The following LCORL variants were observed in gnomAD, a reference collection of about 807,000 sequenced individuals.
LCORL encodes the protein ligand-dependent nuclear receptor corepressor-like protein.
A neutral mutation model predicts 141.8 loss-of-function variants in LCORL; 41 were observed. The observed-to-expected ratio is 0.29, with a 90% CI of 0.23 to 0.38. The LOEUF (loss-of-function observed/expected upper bound fraction) is 0.38. Ranked by LOEUF, LCORL falls within the 10% of genes least tolerant of loss-of-function variation. The probability of loss-of-function intolerance (pLI) is 1.00; values close to 1 mark genes in which losing one functional copy is unlikely to be tolerated. For synonymous variants in LCORL, 618 were observed against 694.1 expected, an observed-to-expected ratio of 0.89 and a Z score of 1.72; for missense variants, 1,759 against 2,035.0, an observed-to-expected ratio of 0.86 and a Z score of 2.61.
At chr4:17,975,299 T>C (rs1487953312) in intron 1 of LCORL, among the ~76,000 whole-genome samples, 1 of 152,188 alleles carries the variant, frequency 6.6e-6, no homozygotes, top group East Asian at 1.9e-4. Flanking sequence ...TTGTTTATAA[T>C]TTCCCTTATG....
intron 6 of LCORL, among the ~76,000 whole-genome samples, chr4:17,879,407 C>G (rs181575144): frequency 1.6e-4 from 24 of 150,956 alleles, no homozygotes; most frequent in South Asian, 8.3e-4. Context: ...TAGATTCATC[C>G]AATGTTCCAC....
At chr4:17,895,373 A>G (rs571473445) in intron 5 of LCORL, among the ~76,000 whole-genome samples, 1 of 152,000 alleles carries the variant, frequency 6.6e-6, no homozygotes, top group African/African-American at 2.4e-5. Context: ...GATCGACTTT[A>G]TTTAGATTCC....
At chr4:17,963,046 C>G in exon 3 of LCORL, 2 of 1,580,446 alleles carry the variant, frequency 1.3e-6, no homozygotes, top group Non-Finnish European at 1.7e-6. Flanking sequence ...TTCTGGTTCA[C>G]AGTCTTTAAA....
Position 17,989,858 on chromosome 4 carries a change from G to A in LCORL, c.155-16973C>T, listed in dbSNP as rs536011696. 8.5e-5 allele frequency among the ~76,000 whole-genome samples: 13 copies of A among 152,258 alleles called. No individual in the cohort carries two copies. The East Asian group carries it at 2.5e-3, about 29-fold the overall frequency. ...TGACCAAGCTGAGTTCTCATCTGGA[G>A]GTACCAGGGAAAATCTGCTTCCAAC... is the stretch of plus-strand genomic sequence containing the variant. On this transcript the variant is annotated intron_variant, in intron 1 of 7. Transcript: ENST00000635767.
intron 1 of LCORL, among the ~76,000 whole-genome samples, chr4:18,007,549 G>C (rs1230909429): frequency 1.3e-5 from 2 of 152,026 alleles, no homozygotes; most frequent in African/African-American, 4.8e-5. Context: ...TTTTCCCCAG[G>C]AGATTGTGCT....
chr4:17,931,353 C>T (rs1298071736), intron 4 of LCORL, among the ~76,000 whole-genome samples: 1 of 151,710 alleles, frequency 6.6e-6, no homozygotes, highest in Non-Finnish European at 1.5e-5. Flanking sequence ...TTATTATTTC[C>T]TTCCTTGTTC....
intron 4 of LCORL, among the ~76,000 whole-genome samples, chr4:17,917,192 T>G (rs1027609812): frequency 5.3e-5 from 8 of 151,664 alleles, no homozygotes; most frequent in Non-Finnish European, 1.2e-4. Context: ...AGGCTGAGTT[T>G]TTTTTGTTTT....
chr4:17,877,024 G>C, exon 7 of LCORL: 2 of 1,230,574 alleles, frequency 1.6e-6, no homozygotes, highest in Non-Finnish European at 2.0e-6. Context: ...TCATTGTTTT[G>C]TGTCAATTTC....
At chr4:17,864,581 A>G (rs574688425) in intron 7 of LCORL, among the ~76,000 whole-genome samples, 2 of 152,348 alleles carry the variant, frequency 1.3e-5, no homozygotes, top group African/African-American at 4.8e-5. Context: ...GAAGGCTGGA[A>G]AAGAGAAAAA....
At position 18,021,710 on chromosome 4, in the gene LCORL, AGCG is replaced by A; in HGVS notation, c.39_41del (p.Ala22del). 4 of 1,523,628 alleles carry A rather than the reference AGCG, an allele frequency of 2.6e-6. No homozygotes were observed. The highest frequency in any genetic ancestry group is 1.8e-4 in the Middle Eastern group (1 of 5,572). 94.4% of individuals were successfully genotyped at this position (1,523,628 alleles called of 1,614,324 possible). Reference sequence around the variant, plus strand: ...GAGCGGCGGCGGCGGCGGCGGCAGCAGCGGCGGCGGCAGCGGCCATTCTCTCTC... The same window carrying A: ...GAGCGGCGGCGGCGGCGGCGGCAGCAGCGGCGGCAGCGGCCATTCTCTCTC... On this transcript the variant is annotated inframe_deletion, in exon 1 of 8. Transcript: ENST00000635767. This position sits in a 1 kb window ranked among gnomAD's most constrained non-coding sequence, Gnocchi z 5.5.
chr4:17,863,868 A>C (rs1216736395), intron 7 of LCORL, among the ~76,000 whole-genome samples: 1 of 152,242 alleles, frequency 6.6e-6, no homozygotes, highest in African/African-American at 2.4e-5. Context: ...GCTGGAGCCC[A>C]TAATCCTAAG....
exon 8 of LCORL, chr4:17,843,892 T>C (rs1722669004): frequency 6.5e-6 from 1 of 152,966 alleles, no homozygotes; most frequent in Admixed American, 6.5e-5. Flanking sequence ...GAAAGGAGCT[T>C]ATCAATCACC....
chr4:17,958,807 AG>A (rs1713199709), intron 4 of LCORL, among the ~76,000 whole-genome samples: 2 of 152,016 alleles, frequency 1.3e-5, no homozygotes, highest in African/African-American at 4.8e-5. Context: ...CCTAACATGC[AG>A]GTACAGTCCT....
chr4:17,897,218 T>C lies in LCORL; in HGVS notation c.683-11057A>G, dbSNP rs935136369. 2.7e-4 allele frequency among the ~76,000 whole-genome samples: 26 copies of C among 95,310 alleles called. 4 individuals are homozygous for C. Among genetic ancestry groups the C allele is most frequent in the African/African-American group, 1.2e-3 (17 of 14,670 alleles). The allele number at this position is 95,310 out of a possible 152,430, so 62.5% of individuals were successfully genotyped here. ...TCTCTTTGATATACTGATTTCTTTT[T>C]TTTTTTTTTTTTTTTTTTTTTTTTT... On this transcript the variant is annotated intron_variant, in intron 5 of 7. Transcript: ENST00000635767.
At chr4:17,895,408 G>A (rs1176359851) in intron 5 of LCORL, among the ~76,000 whole-genome samples, 2 of 152,080 alleles carry the variant, frequency 1.3e-5, no homozygotes, top group Non-Finnish European at 2.9e-5. Flanking sequence ...TACACATATT[G>A]TATTTGTCCT....
chr4:17,963,431 T>C (rs1221296777), intron 2 of LCORL, among the ~76,000 whole-genome samples: 2 of 151,736 alleles, frequency 1.3e-5, no homozygotes, highest in South Asian at 2.1e-4. Context: ...TTGCACACCA[T>C]GAAAGACAAC....
At chr4:17,845,923 A>G (rs1180356804) in intron 7 of LCORL, 22 bp from the exon 8 acceptor site, 4 of 1,568,396 alleles carry the variant, frequency 2.6e-6, no homozygotes, top group Non-Finnish European at 3.5e-6. Context: ...AGTGTAAGGC[A>G]TTTTAGTTTT....
At chr4:17,877,200 T>C in exon 7 of LCORL, 2 of 1,230,292 alleles carry the variant, frequency 1.6e-6, no homozygotes, top group Non-Finnish European at 2.0e-6. Context: ...AATAATTTTA[T>C]TTTCTACCTT....
chr4:17,873,210 G>A (rs764808320), intron 7 of LCORL, among the ~76,000 whole-genome samples, 178 bp downstream of exon 7: 7 of 151,954 alleles, frequency 4.6e-5, no homozygotes, highest in African/African-American at 9.7e-5. Context: ...GTGGGGAAGC[G>A]CACTGGTACA....
Sources: allele counts gnomAD v4.1 joint callset (sites outside exome capture counted in the v4.1 genomes callset), GRCh38; gene constraint gnomAD v4.1.1; non-coding constraint Gnocchi (gnomAD v3.1); transcripts MANE v1.5; gene names NCBI Gene and HGNC (gene_info 2026-07-23, HGNC 2026-07-21).